The following MGST2 variants were observed in gnomAD, a reference collection of about 807,000 sequenced individuals.
MGST2 encodes the protein microsomal glutathione S-transferase 2, also known as glutathione peroxidase MGST2.
In MGST2, 9 loss-of-function variants were observed where a neutral mutation model predicts 16.6. The observed-to-expected ratio is 0.54, with a 90% CI of 0.33 to 0.95. The LOEUF is 0.95. MGST2 is among the 40% of genes least tolerant of loss of function. The probability of loss-of-function intolerance (pLI) is 0.03; values close to 1 mark genes in which losing one functional copy is unlikely to be tolerated. For synonymous variants in MGST2, 79 were observed against 68.0 expected (o/e 1.16, Z -0.79); for missense variants, 159 against 175.1 (o/e 0.91, Z 0.52).
intron 5 of MGST2, chr4:139,720,427 G>C: frequency 1.0e-6 from 1 of 977,640 alleles, no homozygotes. Flanking sequence ...TCCTTTATAT[G>C]AAAGGATCTA....
At chr4:139,722,786 A>G (rs1448499753) in intron 5 of MGST2, among the ~76,000 whole-genome samples, 5 of 152,386 alleles carry the variant, frequency 3.3e-5, no homozygotes, top group African/African-American at 1.2e-4. Flanking sequence ...ATACCTAACA[A>G]AACTTCTCTC....
At chr4:139,669,501 G>A (rs1043585480) in intron 1 of MGST2, among the ~76,000 whole-genome samples, 2 of 152,188 alleles carry the variant, frequency 1.3e-5, no homozygotes, top group Admixed American at 6.5e-5. Context: ...TTAATGGGAC[G>A]CTGGGGAGGA....
chr4:139,679,075 TAA>T, intron 2 of MGST2: 2 of 183,756 alleles, frequency 1.1e-5, no homozygotes, highest in Admixed American at 5.5e-5. Context: ...AACCATTTCT[TAA>T]AATCAGAAAC....
intron 1 of MGST2, among the ~76,000 whole-genome samples, chr4:139,677,975 T>G (rs951017252): frequency 1.3e-5 from 2 of 152,228 alleles, no homozygotes; most frequent in Admixed American, 6.5e-5. Flanking sequence ...TCAGCTTGAC[T>G]TTTCCCTTGG....
chr4:139,673,589 T>C (rs529324907), intron 1 of MGST2, among the ~76,000 whole-genome samples: 16 of 152,298 alleles, frequency 1.1e-4, no homozygotes, highest in African/African-American at 3.1e-4. Context: ...TTTGTATTTT[T>C]ATTTTCTAGA....
chr4:139,695,145 T>A, intron 2 of MGST2, 52 bp from the exon 3 acceptor site: 1 of 1,278,412 alleles, frequency 7.8e-7, no homozygotes, highest in Non-Finnish European at 1.1e-6. Flanking sequence ...AATCAATGCT[T>A]CAGTGTATAC....
chr4:139,742,194 G>A (rs1729193265), downstream of MGST2, among the ~76,000 whole-genome samples: 1 of 149,710 alleles, frequency 6.7e-6, no homozygotes, highest in Non-Finnish European at 1.5e-5. Context: ...TGTCAGCCAG[G>A]CTGAAGTGCA....
At chr4:139,719,235 C>CA in intron 5 of MGST2, 1 of 1,457,568 alleles carries the variant, frequency 6.9e-7, no homozygotes, top group Non-Finnish European at 9.1e-7. Flanking sequence ...GTCAAAAAAA[C>CA]AAAAAACAAG....
chr4:139,674,242 A>G (rs1356003846), intron 1 of MGST2, among the ~76,000 whole-genome samples: 1 of 152,222 alleles, frequency 6.6e-6, no homozygotes, highest in African/African-American at 2.4e-5. Context: ...CATTTATGTC[A>G]GATGTACATT....
At chr4:139,717,418 C>T (rs1263984454) in intron 5 of MGST2, 1 of 152,210 alleles carries the variant, frequency 6.6e-6, no homozygotes, top group Non-Finnish European at 1.5e-5. Flanking sequence ...ACTCAGTTTC[C>T]CCAGTGGCAT....
chr4:139,726,164 T>A (rs1219499459), intron 5 of MGST2, among the ~76,000 whole-genome samples: 1 of 152,378 alleles, frequency 6.6e-6, no homozygotes, highest in East Asian at 1.9e-4. Context: ...TGTCTGCTTT[T>A]GTACTTTGCA....
At chr4:139,671,054 T>G (rs1234329729) in intron 1 of MGST2, among the ~76,000 whole-genome samples, 1 of 152,222 alleles carries the variant, frequency 6.6e-6, no homozygotes, top group Non-Finnish European at 1.5e-5. Context: ...TTGTAAGGCC[T>G]TAGGTCTTGT....
intron 1 of MGST2, among the ~76,000 whole-genome samples, chr4:139,674,477 T>C (rs952455348): frequency 6.6e-6 from 1 of 151,918 alleles, no homozygotes; most frequent in East Asian, 1.9e-4. Flanking sequence ...AGTTTTTTTT[T>C]TTTTTCTTTT....
chr4:139,686,333 G>T (rs1731564151), intron 2 of MGST2, among the ~76,000 whole-genome samples: 1 of 152,170 alleles, frequency 6.6e-6, no homozygotes, highest in Admixed American at 6.5e-5. Context: ...CAGATGGTAG[G>T]CTTCAGAGAG....
chr4:139,700,591 A>G (rs182689246), intron 3 of MGST2, among the ~76,000 whole-genome samples: 276 of 152,336 alleles, frequency 1.8e-3, no homozygotes, highest in African/African-American at 6.3e-3. Flanking sequence ...CTTGACATTC[A>G]CCAATGTGGG....
intron 2 of MGST2, among the ~76,000 whole-genome samples, chr4:139,686,545 C>A (rs912720244): frequency 6.6e-6 from 1 of 152,148 alleles, no homozygotes; most frequent in Non-Finnish European, 1.5e-5. Flanking sequence ...TTGGTTTACA[C>A]CCTATTCAAC....
chr4:139,683,746 G>A (rs929319809), intron 2 of MGST2, among the ~76,000 whole-genome samples: 11 of 151,940 alleles, frequency 7.2e-5, no homozygotes, highest in Non-Finnish European at 1.3e-4. Flanking sequence ...AGACATACCC[G>A]AGACTGAGCA....
At chr4:139,667,747 A>G (rs931670891) in intron 1 of MGST2, among the ~76,000 whole-genome samples, 2 of 152,068 alleles carry the variant, frequency 1.3e-5, no homozygotes, top group Non-Finnish European at 2.9e-5. Flanking sequence ...AGTCCCAGCT[A>G]CTAGGGAGGC....
At position 139,703,447 on chromosome 4, in the gene MGST2, C is replaced by T. The variant is rs1579333776; in HGVS notation, c.230-8C>T. On this transcript the variant is annotated splice_polypyrimidine_tract_variant and splice_region_variant and intron_variant, in intron 3 of 4. Coordinates refer to ENST00000265498, the MANE Select transcript of MGST2 (RefSeq NM_002413.5). The stretch of plus-strand genomic sequence containing the variant: ...TGCCTTTTCTTTTTTTTTCCCACCC[C>T]CCTATAGTTTTTGCTACTTGTCTGG... The T allele has an allele frequency of 4.3e-6, 7 of 1,612,612 alleles. No homozygotes were observed. In the East Asian group the frequency reaches 1.6e-4, roughly 36 times the overall value.
Sources: allele counts gnomAD v4.1 joint callset (sites outside exome capture counted in the v4.1 genomes callset), GRCh38; gene constraint gnomAD v4.1.1; transcripts MANE v1.5; gene names NCBI Gene and HGNC (gene_info 2026-07-23, HGNC 2026-07-21).